Variants in CASR observed in about 807,000 individuals in gnomAD.
The protein encoded by CASR is extracellular calcium-sensing receptor.
Under a neutral mutation model 69.1 loss-of-function variants are expected in CASR, and 23 were observed. The ratio of observed to expected loss-of-function variants is 0.33; its 90% CI spans 0.24 to 0.47. The LOEUF is 0.47. CASR is among the 20% of genes least tolerant of loss of function. CASR has a pLI of 1.00. For missense variants in CASR, 924 were observed against 1,356.1 expected, an observed-to-expected ratio of 0.68 and a Z score of 5.00; for synonymous variants, 541 against 544.7, an observed-to-expected ratio of 0.99 and a Z score of 0.10.
intron 4 of CASR, among the ~76,000 whole-genome samples, chr3:122,265,616 C>T (rs1391361341): frequency 6.6e-6 from 1 of 152,222 alleles, no homozygotes; most frequent in Non-Finnish European, 1.5e-5. Context: ...TTGCAGGGAA[C>T]CGTTTGAGCC....
chr3:122,253,098 T>C (rs1370153262), intron 1 of CASR, among the ~76,000 whole-genome samples: 1 of 152,198 alleles, frequency 6.6e-6, no homozygotes, highest in Non-Finnish European at 1.5e-5. Flanking sequence ...TTAAAAGGCT[T>C]ACAGGGTGTC....
intron 1 of CASR, among the ~76,000 whole-genome samples, chr3:122,243,784 A>T (rs2074401300): frequency 6.6e-6 from 1 of 152,166 alleles, no homozygotes; most frequent in Admixed American, 6.5e-5. Flanking sequence ...CTAAGTGTCC[A>T]TCGAAAGATG....
intron 1 of CASR, among the ~76,000 whole-genome samples, chr3:122,234,774 G>A (rs1354367389): frequency 6.6e-6 from 1 of 152,162 alleles, no homozygotes; most frequent in Non-Finnish European, 1.5e-5. Context: ...AACATGTGTG[G>A]GCTTCTTTGG....
At chr3:122,255,411 T>G (rs1165868138) in intron 2 of CASR, among the ~76,000 whole-genome samples, 3 of 152,236 alleles carry the variant, frequency 2.0e-5, no homozygotes, top group Non-Finnish European at 4.4e-5. Context: ...AAAACTGGAT[T>G]TCTGTTCATG....
chr3:122,247,443 T>C (rs777099618), intron 1 of CASR: 2 of 152,200 alleles, frequency 1.3e-5, no homozygotes, highest in Non-Finnish European at 2.9e-5. Flanking sequence ...GCTCTGGCAT[T>C]TTTCTTTATA....
chr3:122,205,291 T>C (rs571814299), intron 1 of CASR, among the ~76,000 whole-genome samples: 4 of 152,274 alleles, frequency 2.6e-5, no homozygotes, highest in African/African-American at 9.6e-5. Flanking sequence ...CTTCTGCATA[T>C]GGGAAGTTAC....
At chr3:122,280,812 A>G (rs536562627) in intron 5 of CASR, among the ~76,000 whole-genome samples, 2 of 152,326 alleles carry the variant, frequency 1.3e-5, no homozygotes, top group South Asian at 4.1e-4. Context: ...GGGGAGACCC[A>G]TTAAATAGAC....
chr3:122,265,336 T>C (rs1175060231), intron 4 of CASR, among the ~76,000 whole-genome samples: 1 of 152,102 alleles, frequency 6.6e-6, no homozygotes, highest in Non-Finnish European at 1.5e-5. Flanking sequence ...CTCATATGCC[T>C]CAAAAGTAGC....
At chr3:122,228,861 C>A (rs191646332) in intron 1 of CASR, among the ~76,000 whole-genome samples, 23 of 152,330 alleles carry the variant, frequency 1.5e-4, no homozygotes, top group African/African-American at 5.1e-4. Flanking sequence ...CCACCATCCT[C>A]TCCTCCACAC....
chr3:122,260,012 C>T (rs1477221248), intron 3 of CASR, among the ~76,000 whole-genome samples: 1 of 152,154 alleles, frequency 6.6e-6, no homozygotes, highest in Admixed American at 6.5e-5. Context: ...TACTTCATTT[C>T]CTAGAAGAAA....
chr3:122,273,139 G>A (rs1226081217), intron 4 of CASR, among the ~76,000 whole-genome samples: 1 of 152,198 alleles, frequency 6.6e-6, no homozygotes, highest in Non-Finnish European at 1.5e-5. Flanking sequence ...AAGAAGAAAT[G>A]TATGCTAACT....
intron 1 of CASR, among the ~76,000 whole-genome samples, chr3:122,230,690 C>T (rs34169519): frequency 0.014 from 2,125 of 152,222 alleles, 30 homozygotes; most frequent in South Asian, 0.069. Flanking sequence ...GTTCCACCTG[C>T]ATAGAAGGGG....
Position 122,257,401 on chromosome 3 carries a change from C to G in CASR, c.492+14C>G. ...TACATTCCCCAGGTACTCAAGCCTT[C>G]TCAGGCGGGGCACTGGGAGCAGGAT... On this transcript the variant is annotated intron_variant, in intron 3 of 6. Coordinates refer to ENST00000639785, the MANE Select transcript of CASR (RefSeq NM_000388.4). 1 of 1,607,342 alleles carries G rather than the reference C, an allele frequency of 6.2e-7. No homozygotes were observed. Among genetic ancestry groups the G allele is most frequent in the South Asian group, 1.1e-5 (1 of 90,944 alleles).
At chr3:122,199,123 C>T (rs1267928270) in intron 1 of CASR, among the ~76,000 whole-genome samples, 1 of 152,186 alleles carries the variant, frequency 6.6e-6, no homozygotes, top group Admixed American at 6.5e-5. Context: ...CGTCAATATA[C>T]ATGGAAGTCA....
At position 122,200,604 on chromosome 3, in the gene CASR, G is replaced by A. The variant is rs79920788; in HGVS notation, c.-243+16792G>A. On this transcript the variant is annotated intron_variant, in intron 1 of 6. Transcript: ENST00000639785. ...TTTTACTGCTGTTTAGAATTTCAGTGTATAAGTGTGCCAAAATTTATTTAT... is the reference window on the plus strand; with the variant it reads ...TTTTACTGCTGTTTAGAATTTCAGTATATAAGTGTGCCAAAATTTATTTAT... Among the ~76,000 whole-genome samples the A allele has an allele frequency of 2.4e-3, 358 of 152,266 alleles. 15 individuals are homozygous for A. In the East Asian group the frequency reaches 0.06, roughly 25 times the overall value.
intron 5 of CASR, among the ~76,000 whole-genome samples, chr3:122,277,048 C>CTTTTTTTT: frequency 7.7e-6 from 1 of 129,508 alleles, no homozygotes; most frequent in Non-Finnish European, 1.6e-5. Context: ...GACCACTTTT[C>CTTTTTTTT]TTTTTTTTTT....
At chr3:122,231,196 T>C (rs1413579869) in intron 1 of CASR, among the ~76,000 whole-genome samples, 1 of 152,174 alleles carries the variant, frequency 6.6e-6, no homozygotes, top group African/African-American at 2.4e-5. Flanking sequence ...GAGGACACCA[T>C]TCCTCTGGCC....
At chr3:122,249,202 GC>G (rs1408797335) in intron 1 of CASR, among the ~76,000 whole-genome samples, 1 of 152,206 alleles carries the variant, frequency 6.6e-6, no homozygotes, top group Non-Finnish European at 1.5e-5. Context: ...ACAGGCCTTG[GC>G]CTCATGAAGT....
chr3:122,233,186 C>T (rs759870794), intron 1 of CASR, among the ~76,000 whole-genome samples: 2 of 152,198 alleles, frequency 1.3e-5, no homozygotes, highest in Admixed American at 6.5e-5. Flanking sequence ...TTAAACCGTC[C>T]CCAAAATCGC....
Sources: gnomAD v4.1 joint callset for allele counts (sites outside exome capture counted in the v4.1 genomes callset) on GRCh38, gnomAD v4.1.1 for gene constraint, MANE v1.5 for transcripts, NCBI Gene and HGNC (gene_info 2026-07-23, HGNC 2026-07-21) for gene names.